Variants in RORA observed in about 807,000 individuals in gnomAD.
The protein encoded by RORA is nuclear receptor ROR-alpha.
A neutral mutation model predicts 69.5 loss-of-function variants in RORA; 7 were observed. The observed-to-expected ratio is 0.10, with a 90% CI of 0.06 to 0.19. The LOEUF (loss-of-function observed/expected upper bound fraction) is 0.19. Ranked by LOEUF, RORA falls within the 10% of genes least tolerant of loss-of-function variation. The pLI is 1.00. For missense variants in RORA, 457 were observed against 663.0 expected (o/e 0.69, Z 3.41); for synonymous variants, 261 against 240.8 (o/e 1.08, Z -0.78).
At chr15:61,160,668 A>G (rs2079486937) in intron 1 of RORA, among the ~76,000 whole-genome samples, 1 of 152,188 alleles carries the variant, frequency 6.6e-6, no homozygotes, top group African/African-American at 2.4e-5. Flanking sequence ...GGTGATAAGA[A>G]ACATAGTGGC....
chr15:60,776,200 T>C (rs1432389574), intron 1 of RORA, among the ~76,000 whole-genome samples: 2 of 152,048 alleles, frequency 1.3e-5, no homozygotes, highest in Non-Finnish European at 2.9e-5. Context: ...GGAGCAGGCC[T>C]CGTCCCAACT....
chr15:60,940,370 A>G (rs1333559869), intron 1 of RORA, among the ~76,000 whole-genome samples: 1 of 152,246 alleles, frequency 6.6e-6, no homozygotes, highest in East Asian at 1.9e-4. Flanking sequence ...ATGAATCTCA[A>G]AAACATCCGC....
chr15:60,852,754 A>C (rs1567214259), intron 1 of RORA, among the ~76,000 whole-genome samples: 1 of 152,216 alleles, frequency 6.6e-6, no homozygotes, highest in Non-Finnish European at 1.5e-5. Flanking sequence ...CAGTATCATC[A>C]AGGACAAGGA....
At chr15:60,712,542 C>G in intron 1 of RORA, among the ~76,000 whole-genome samples, 1 of 152,136 alleles carries the variant, frequency 6.6e-6, no homozygotes, top group East Asian at 1.9e-4. Context: ...TTGATATGTA[C>G]CCAGACAGCT....
chr15:60,856,490 C>CTTT (rs34150883), intron 1 of RORA, among the ~76,000 whole-genome samples: 5 of 148,754 alleles, frequency 3.4e-5, no homozygotes, highest in Non-Finnish European at 3.0e-5. Context: ...AATCACTGAC[C>CTTT]TTTTTTTTTT....
At chr15:60,790,062 A>T in intron 1 of RORA, among the ~76,000 whole-genome samples, 1 of 152,216 alleles carries the variant, frequency 6.6e-6, no homozygotes, top group African/African-American at 2.4e-5. Context: ...GACCCAAGAG[A>T]AAAAGAAGCA....
intron 1 of RORA, among the ~76,000 whole-genome samples, chr15:60,732,455 ACAC>A (rs1469440113): frequency 1.3e-5 from 2 of 152,202 alleles, no homozygotes; most frequent in African/African-American, 2.4e-5. Context: ...AGCTCAGGAC[ACAC>A]CACATCTACC....
intron 1 of RORA, among the ~76,000 whole-genome samples, chr15:60,939,528 T>C (rs936222678): frequency 5.9e-5 from 9 of 152,216 alleles, no homozygotes; most frequent in African/African-American, 1.9e-4. Context: ...TAAGTGTTCA[T>C]TTACCACTAT....
chr15:60,925,778 G>T (rs868184893), intron 1 of RORA, among the ~76,000 whole-genome samples: 35 of 152,184 alleles, frequency 2.3e-4, no homozygotes, highest in African/African-American at 7.0e-4. Flanking sequence ...GAACCTGTAC[G>T]TTTCTGTCCA....
At chr15:61,112,745 G>T (rs116974388) in intron 1 of RORA, among the ~76,000 whole-genome samples, 2 of 152,184 alleles carry the variant, frequency 1.3e-5, no homozygotes, top group East Asian at 3.9e-4. Context: ...TGTGAAAATC[G>T]TTCCCAGACA....
At chr15:60,776,575 T>C (rs1482982809) in intron 1 of RORA, among the ~76,000 whole-genome samples, 1 of 152,078 alleles carries the variant, frequency 6.6e-6, no homozygotes, top group African/African-American at 2.4e-5. Flanking sequence ...CAAACCAAAC[T>C]GAGATAGGCA....
intron 1 of RORA, among the ~76,000 whole-genome samples, chr15:61,198,162 A>T (rs1001358319): frequency 5.3e-5 from 8 of 152,282 alleles, no homozygotes; most frequent in African/African-American, 1.7e-4. Context: ...GTGCAAATTT[A>T]AAAAAATTGA....
At chr15:60,874,422 C>A (rs1464145551) in intron 1 of RORA, among the ~76,000 whole-genome samples, 1 of 152,180 alleles carries the variant, frequency 6.6e-6, no homozygotes, top group Non-Finnish European at 1.5e-5. Flanking sequence ...GGTCAGTAAA[C>A]TTCCATAAAG....
intron 1 of RORA, among the ~76,000 whole-genome samples, chr15:60,686,402 A>T (rs1354277594): frequency 1.3e-5 from 2 of 152,254 alleles, no homozygotes; most frequent in East Asian, 3.8e-4. Context: ...AAGTATGATT[A>T]GTACTTATGT....
At chr15:61,140,586 T>C (rs181378714) in intron 1 of RORA, among the ~76,000 whole-genome samples, 28 of 152,072 alleles carry the variant, frequency 1.8e-4, no homozygotes, top group Admixed American at 5.2e-4. Context: ...CGAGGAATGA[T>C]CTGATCCCTA....
At chr15:60,582,690 C>T (rs569342613) in intron 2 of RORA, among the ~76,000 whole-genome samples, 15 of 152,368 alleles carry the variant, frequency 9.8e-5, no homozygotes, top group African/African-American at 3.1e-4. Flanking sequence ...TTGAGCTCTA[C>T]ACCTTGGGAC....
At chr15:61,060,817 A>G (rs1432307370) in intron 1 of RORA, among the ~76,000 whole-genome samples, 2 of 152,096 alleles carry the variant, frequency 1.3e-5, no homozygotes, top group African/African-American at 2.4e-5. Context: ...CACATAAAAT[A>G]CACTAACTAT....
At chr15:60,515,974 T>A (rs1278002868) in intron 3 of RORA, among the ~76,000 whole-genome samples, 1 of 4,278 alleles carries the variant, frequency 2.3e-4, no homozygotes, top group Non-Finnish European at 4.8e-4. Context: ...TATATATATT[T>A]ATATATTTAT....
chr15:60,708,192 C>T (rs985930324), intron 1 of RORA, among the ~76,000 whole-genome samples: 1 of 152,102 alleles, frequency 6.6e-6, no homozygotes, highest in African/African-American at 2.4e-5. Flanking sequence ...TAGGACTCTC[C>T]TAGGTACCTA....
Sources: gnomAD v4.1 joint callset for allele counts (sites outside exome capture counted in the v4.1 genomes callset) on GRCh38, gnomAD v4.1.1 for gene constraint, MANE v1.5 for transcripts, NCBI Gene and HGNC (gene_info 2026-07-23, HGNC 2026-07-21) for gene names.